The following SLC15A1 variants were observed in gnomAD, a reference collection of about 807,000 sequenced individuals.
SLC15A1 encodes the protein solute carrier family 15 member 1.
A neutral mutation model predicts 92.9 loss-of-function variants in SLC15A1; 83 were observed. That is an observed-to-expected ratio of 0.89 (90% CI 0.75 to 1.07). The LOEUF is 1.07. Ranked by LOEUF, SLC15A1 falls within the 50% of genes least tolerant of loss-of-function variation. The pLI, the probability that SLC15A1 is intolerant of heterozygous loss-of-function variation, is 0.00. For missense variants in SLC15A1, 857 were observed against 880.1 expected (o/e 0.97, Z 0.33); for synonymous variants, 322 against 318.2 (o/e 1.01, Z -0.13).
At chr13:98,687,535 A>C (rs774440865) in intron 21 of SLC15A1, 46 bp downstream of exon 21, 1 of 1,586,998 alleles carries the variant, frequency 6.3e-7, no homozygotes, top group South Asian at 1.2e-5. Context: ...CATTTTCTGC[A>C]GGCAGGGGTA....
intron 18 of SLC15A1, among the ~76,000 whole-genome samples, chr13:98,700,069 A>G (rs751360919): frequency 7.9e-5 from 12 of 152,354 alleles, no homozygotes; most frequent in Admixed American, 2.6e-4. Flanking sequence ...AGTACTTTAC[A>G]TATTTTGGAT....
chr13:98,719,252 T>G lies in SLC15A1; in HGVS notation c.625A>C (p.Met209Leu). Residue 209 changes from methionine (M) to leucine (L), a missense_variant, in exon 8 of 23, where the codon ATG (methionine) becomes CTG (leucine). Met to Leu is a conservative substitution (Grantham distance 15, BLOSUM62 2). Coordinates refer to ENST00000376503, the MANE Select transcript of SLC15A1 (RefSeq NM_005073.4). ...TTCCACTTACTCAGGGCTACAGCCATGAGAGCAGCAGGAACCCCAAAGGCC... is the reference window on the plus strand; with the variant it reads ...TTCCACTTACTCAGGGCTACAGCCAGGAGAGCAGCAGGAACCCCAAAGGCC... ...PLAFGVPAAL[M>L]AVALIVFVLG... 1 of 1,613,390 alleles carries G rather than the reference T, an allele frequency of 6.2e-7. No homozygotes were observed. Among genetic ancestry groups the G allele is most frequent in the Non-Finnish European group, 8.5e-7 (1 of 1,179,354 alleles).
intron 1 of SLC15A1, among the ~76,000 whole-genome samples, chr13:98,737,985 T>A (rs2088408237): frequency 6.6e-6 from 1 of 152,170 alleles, no homozygotes; most frequent in South Asian, 2.1e-4. Context: ...AGAGCAAAGG[T>A]CACTTTTGTT....
At chr13:98,700,830 C>T (rs1467315425) in intron 18 of SLC15A1, among the ~76,000 whole-genome samples, 1 of 152,160 alleles carries the variant, frequency 6.6e-6, no homozygotes, top group Non-Finnish European at 1.5e-5. Context: ...ATCCATTGAA[C>T]TGTCTTTGCA....
chr13:98,728,769 T>A (rs1307410616), intron 1 of SLC15A1, among the ~76,000 whole-genome samples: 2 of 151,140 alleles, frequency 1.3e-5, no homozygotes, highest in Admixed American at 1.3e-4. Context: ...TCGCTTCAGG[T>A]CAGGAGTTCA....
Position 98,688,634 on chromosome 13 carries a change from C to T in SLC15A1, c.1467-57G>A, listed in dbSNP as rs1403716540. 5 of 1,269,810 alleles carry T rather than the reference C, an allele frequency of 3.9e-6. No individual in the cohort carries two copies. The Admixed American group carries it at 5.2e-5, about 13-fold the overall frequency. The allele number at this position is 1,269,810 out of a possible 1,614,324, so 78.7% of individuals were successfully genotyped here. On this transcript the variant is annotated intron_variant, in intron 18 of 22. Coordinates refer to ENST00000376503, the MANE Select transcript of SLC15A1 (RefSeq NM_005073.4). ...AACTAGAGAATAATATATTCTAGGTCACAGTACATGCACCTGAAGTTGGGC... is the reference window on the plus strand; with the variant it reads ...AACTAGAGAATAATATATTCTAGGTTACAGTACATGCACCTGAAGTTGGGC...
intron 5 of SLC15A1, among the ~76,000 whole-genome samples, chr13:98,722,417 G>T (rs1441573046): frequency 6.6e-6 from 1 of 152,046 alleles, no homozygotes; most frequent in Non-Finnish European, 1.5e-5. Flanking sequence ...TAGATGGTGG[G>T]ATTAAGGGTT....
chr13:98,704,480 G>C (rs753867721), intron 16 of SLC15A1, 45 bp from the exon 17 acceptor site: 5 of 1,560,366 alleles, frequency 3.2e-6, no homozygotes, highest in Non-Finnish European at 4.4e-6. Context: ...ACAGAGTCTC[G>C]GCACTATGCA....
chr13:98,719,026 T>C (rs1189867495), intron 8 of SLC15A1, among the ~76,000 whole-genome samples: 2 of 152,250 alleles, frequency 1.3e-5, no homozygotes, highest in African/African-American at 4.8e-5. Flanking sequence ...TTCCTTTTCC[T>C]GTAATTCTTT....
rs897871360 is a variant in SLC15A1, at chr13:98,684,812, G to A, written c.2039C>T (p.Ala680Val). ...TTTCTTTTCATCCTCATCAAATTGA[G>A]CTTCGATCTCCGCTGGGTTGATGTA... ...YTYINPAEIE[A>V]QFDEDEKKNR... is the part of the protein sequence containing the mutation. The change falls in exon 23 of 23, where the codon GCT becomes GTT. Residue 680 changes from alanine (A) to valine (V), a missense_variant. Physicochemically the swap from Ala to Val is moderately conservative, Grantham distance 64. Transcript: ENST00000376503. 1.2e-6 allele frequency: 2 copies of A among 1,614,054 alleles called. No homozygotes were observed. Among genetic ancestry groups the A allele is most frequent in the African/African-American group, 2.7e-5 (2 of 75,006 alleles).
At chr13:98,705,153 A>G (rs547719452) in intron 16 of SLC15A1, among the ~76,000 whole-genome samples, 1 of 148,962 alleles carries the variant, frequency 6.7e-6, no homozygotes, top group African/African-American at 2.5e-5. Flanking sequence ...GAGCCAAGAT[A>G]GCGCCACTGC....
intron 21 of SLC15A1, 122 bp from the exon 22 acceptor site, chr13:98,686,419 G>A (rs2139558394): frequency 1.5e-6 from 1 of 678,684 alleles, no homozygotes; most frequent in East Asian, 2.7e-5. Context: ...AAAGTCAGGT[G>A]GCCTCAATGT....
At chr13:98,734,217 A>G (rs12853368) in intron 1 of SLC15A1, among the ~76,000 whole-genome samples, 15,837 of 152,150 alleles carry the variant, frequency 0.1, 919 homozygotes, top group South Asian at 0.16. Flanking sequence ...CACTCACTTC[A>G]ACTTCCCAAA....
At position 98,684,414 on chromosome 13, in the gene SLC15A1, G is replaced by A. The variant is rs1227709092; in HGVS notation, c.*310C>T. 9 of 207,546 alleles carry A rather than the reference G, an allele frequency of 4.3e-5. No homozygotes were observed. The highest frequency in any genetic ancestry group is 1.6e-4 in the Admixed American group (3 of 18,792). The allele number at this position is 207,546 out of a possible 1,614,324, so 12.9% of individuals were successfully genotyped here. A position where few individuals can be genotyped will look rare whatever the true frequency, so the allele number is the denominator to read the frequency against. On this transcript the variant is annotated 3_prime_UTR_variant, in exon 23 of 23. Transcript: ENST00000376503. The stretch of plus-strand genomic sequence containing the variant: ...TACAAAAATAGCTGGGCGTGGTGGT[G>A]CATGCCGCTAATCCCAGCCACTCGG...
intron 8 of SLC15A1, among the ~76,000 whole-genome samples, chr13:98,717,848 G>A (rs370003593): frequency 9.3e-4 from 141 of 152,296 alleles, no homozygotes; most frequent in African/African-American, 3.3e-3. Flanking sequence ...AGTGGGAGAA[G>A]GGGCTCTGAA....
chr13:98,748,438 G>T (rs112424566), intron 1 of SLC15A1, among the ~76,000 whole-genome samples: 4,512 of 152,116 alleles, frequency 0.03, 123 homozygotes, highest in African/African-American at 0.075. Flanking sequence ...CTAGAGGTGC[G>T]CACCGCCATG....
chr13:98,712,249 C>A (rs1275014003), intron 10 of SLC15A1, among the ~76,000 whole-genome samples: 1 of 152,062 alleles, frequency 6.6e-6, no homozygotes, highest in Non-Finnish European at 1.5e-5. Context: ...TATGTGATCC[C>A]AATTACATAT....
At chr13:98,750,071 G>C (rs2088530189) in intron 1 of SLC15A1, among the ~76,000 whole-genome samples, 1 of 151,884 alleles carries the variant, frequency 6.6e-6, no homozygotes, top group African/African-American at 2.4e-5. Context: ...AGCCCAACAA[G>C]ACACTCAGCC....
chr13:98,719,811 T>C (rs958963829), intron 7 of SLC15A1, among the ~76,000 whole-genome samples: 2 of 152,332 alleles, frequency 1.3e-5, no homozygotes, highest in Non-Finnish European at 2.9e-5. Flanking sequence ...TGTCAACTAC[T>C]TAACCCCACC....
Sources: allele counts gnomAD v4.1 joint callset (sites outside exome capture counted in the v4.1 genomes callset), GRCh38; gene constraint gnomAD v4.1.1; transcripts MANE v1.5; gene names NCBI Gene and HGNC (gene_info 2026-07-23, HGNC 2026-07-21).